Variants in FGF14 observed in about 807,000 individuals in gnomAD.
The protein encoded by FGF14 is fibroblast growth factor homologous factor 4.
Under a neutral mutation model 25.5 loss-of-function variants are expected in FGF14, and 5 were observed. The ratio of observed to expected loss-of-function variants is 0.20; its 90% CI spans 0.10 to 0.41. The LOEUF is 0.41. Among genes scored for constraint, FGF14 ranks in the 10% least tolerant of loss-of-function variants. The probability of loss-of-function intolerance (pLI) is 1.00; values close to 1 mark genes in which losing one functional copy is unlikely to be tolerated. For synonymous variants in FGF14, 138 were observed against 118.3 expected, an observed-to-expected ratio of 1.17 and a Z score of -1.08; for missense variants, 222 against 320.1, an observed-to-expected ratio of 0.69 and a Z score of 2.34.
At chr13:101,970,992 C>T (rs573402299) in intron 1 of FGF14, among the ~76,000 whole-genome samples, 2 of 152,262 alleles carry the variant, frequency 1.3e-5, no homozygotes, top group South Asian at 2.1e-4. Context: ...GACTCCTATG[C>T]ATATGCACAT....
intron 3 of FGF14, among the ~76,000 whole-genome samples, chr13:101,805,460 TC>T (rs947096773): frequency 2.0e-5 from 3 of 152,140 alleles, no homozygotes; most frequent in Non-Finnish European, 2.9e-5. Context: ...TCTGAGCTTC[TC>T]CCAGGTAAGA....
intron 1 of FGF14, among the ~76,000 whole-genome samples, chr13:102,261,444 T>C (rs1332511320): frequency 6.6e-6 from 1 of 152,188 alleles, no homozygotes; most frequent in Non-Finnish European, 1.5e-5. Flanking sequence ...AATTATAAAT[T>C]AGCTGGAAGC....
At chr13:101,960,080 A>C (rs17631289) in intron 1 of FGF14, among the ~76,000 whole-genome samples, 15,700 of 152,280 alleles carry the variant, frequency 0.1, 937 homozygotes, top group Admixed American at 0.2. Flanking sequence ...ACTAACACAA[A>C]TCAGTTTCAC....
intron 1 of FGF14, among the ~76,000 whole-genome samples, chr13:102,190,425 T>C (rs2140818967): frequency 6.6e-6 from 1 of 152,314 alleles, no homozygotes; most frequent in African/African-American, 2.4e-5. Context: ...TGCAACAGTG[T>C]TACTGGCCTC....
intron 1 of FGF14, among the ~76,000 whole-genome samples, chr13:102,370,699 C>A (rs919727646): frequency 6.6e-6 from 1 of 152,106 alleles, no homozygotes; most frequent in Admixed American, 6.5e-5. Context: ...AATGTGCATC[C>A]TGTTATTCTT....
At chr13:102,194,620 T>A (rs950842335) in intron 1 of FGF14, among the ~76,000 whole-genome samples, 1 of 152,142 alleles carries the variant, frequency 6.6e-6, no homozygotes. Flanking sequence ...TGTGATGCTA[T>A]CAAGTGTACC....
chr13:102,240,091 C>G (rs2051520413), intron 1 of FGF14, among the ~76,000 whole-genome samples: 1 of 152,130 alleles, frequency 6.6e-6, no homozygotes, highest in Non-Finnish European at 1.5e-5. Flanking sequence ...TAGTCTATCT[C>G]AAGAATATTA....
At chr13:102,160,272 A>G (rs1390465560) in intron 1 of FGF14, among the ~76,000 whole-genome samples, 2 of 152,036 alleles carry the variant, frequency 1.3e-5, no homozygotes, top group African/African-American at 2.4e-5. Flanking sequence ...GGCCCATCCA[A>G]CTGTTTCTGG....
At chr13:102,018,512 A>C (rs371115063) in intron 1 of FGF14, among the ~76,000 whole-genome samples, 5 of 152,084 alleles carry the variant, frequency 3.3e-5, no homozygotes, top group Admixed American at 2.6e-4. Flanking sequence ...CATCTACCAA[A>C]GTATGACCCT....
chr13:101,863,256 TG>T (rs1028915132), intron 3 of FGF14, among the ~76,000 whole-genome samples: 2 of 152,142 alleles, frequency 1.3e-5, no homozygotes, highest in African/African-American at 4.8e-5. Flanking sequence ...AAGGGGCACC[TG>T]TGTGTAACTA....
At chr13:101,849,277 A>C (rs906189785) in intron 3 of FGF14, among the ~76,000 whole-genome samples, 1 of 152,108 alleles carries the variant, frequency 6.6e-6, no homozygotes, top group African/African-American at 2.4e-5. Context: ...GAAGGGACAC[A>C]AAATCACCGT....
At chr13:101,824,049 G>A (rs946490955) in intron 3 of FGF14, among the ~76,000 whole-genome samples, 1 of 151,984 alleles carries the variant, frequency 6.6e-6, no homozygotes, top group Admixed American at 6.6e-5. Flanking sequence ...ATACCTTGTA[G>A]TGAGTTGCTA....
At chr13:102,165,888 G>A (rs1435166744) in intron 1 of FGF14, among the ~76,000 whole-genome samples, 1 of 151,448 alleles carries the variant, frequency 6.6e-6, no homozygotes, top group Non-Finnish European at 1.5e-5. Context: ...GAGGAATGAG[G>A]ATACTTATAA....
chr13:102,317,015 T>G (rs905432851), intron 1 of FGF14, among the ~76,000 whole-genome samples: 5 of 152,144 alleles, frequency 3.3e-5, no homozygotes, highest in South Asian at 2.1e-4. Flanking sequence ...CATCTTTTTT[T>G]GGGCCATTTT....
chr13:102,067,650 G>C (rs2042957881), intron 1 of FGF14, among the ~76,000 whole-genome samples: 1 of 150,048 alleles, frequency 6.7e-6, no homozygotes, highest in African/African-American at 2.5e-5. Context: ...ATGCCTACTA[G>C]ATCTACAAAA....
At chr13:102,067,131 G>A (rs912459275) in intron 1 of FGF14, among the ~76,000 whole-genome samples, 2 of 152,004 alleles carry the variant, frequency 1.3e-5, no homozygotes, top group African/African-American at 4.8e-5. Context: ...ACAGTAGTTC[G>A]CACAAAACAA....
intron 1 of FGF14, among the ~76,000 whole-genome samples, chr13:102,228,438 A>G (rs1041327557): frequency 2.0e-5 from 3 of 152,234 alleles, no homozygotes; most frequent in Admixed American, 1.3e-4. Flanking sequence ...TTAATTGAAT[A>G]GCATATGATT....
Position 102,036,906 on chromosome 13 carries a change from A to G in FGF14, c.209-161610T>C, listed in dbSNP as rs74108966. Reference sequence around the variant, plus strand: ...TAAAATTCTTGGAAAGATGAACTTGAGGAAAGAAAGGAGATTTTTCCTGCT... The same window carrying G: ...TAAAATTCTTGGAAAGATGAACTTGGGGAAAGAAAGGAGATTTTTCCTGCT... On this transcript the variant is annotated intron_variant, in intron 1 of 4. Coordinates refer to the FGF14 transcript ENST00000376131. 8.2e-3 allele frequency among the ~76,000 whole-genome samples: 1,245 copies of G among 152,308 alleles called. 10 individuals carry two copies. The highest frequency in any genetic ancestry group is 0.029 in the African/African-American group (1,196 of 41,576).
intron 1 of FGF14, among the ~76,000 whole-genome samples, chr13:102,072,984 G>T (rs956805573): frequency 2.0e-5 from 3 of 152,134 alleles, no homozygotes; most frequent in Non-Finnish European, 2.9e-5. Flanking sequence ...ACTTCTTACC[G>T]TATCTGTTGC....
Sources: allele counts gnomAD v4.1 joint callset (sites outside exome capture counted in the v4.1 genomes callset), GRCh38; gene constraint gnomAD v4.1.1; transcripts MANE v1.5; gene names NCBI Gene and HGNC (gene_info 2026-07-23, HGNC 2026-07-21).